Variants in JKAMP observed in about 807,000 individuals in gnomAD.
JKAMP encodes JNK1/MAPK8 associated membrane protein.
JKAMP carries 20 observed loss-of-function variants against 40.2 expected under a neutral mutation model. The ratio of observed to expected loss-of-function variants is 0.50; its 90% CI spans 0.35 to 0.72. The LOEUF is 0.72. Ranked by LOEUF, JKAMP falls within the 30% of genes least tolerant of loss-of-function variation. The pLI, the probability that JKAMP is intolerant of heterozygous loss-of-function variation, is 0.01. For synonymous variants in JKAMP, 138 were observed against 131.6 expected (o/e 1.05, Z -0.33); for missense variants, 276 against 373.0 (o/e 0.74, Z 2.14).
chr14:59,490,485 T>G (rs1052769325), intron 3 of JKAMP, among the ~76,000 whole-genome samples: 3 of 152,206 alleles, frequency 2.0e-5, no homozygotes, highest in Non-Finnish European at 4.4e-5. Flanking sequence ...ATGTATATTT[T>G]AGGAAGAAAA....
intron 3 of JKAMP, among the ~76,000 whole-genome samples, chr14:59,488,097 A>G (rs1004622791): frequency 1.3e-5 from 2 of 152,126 alleles, no homozygotes; most frequent in African/African-American, 4.8e-5. Flanking sequence ...TTGGTTTTCT[A>G]CACAAAATTG....
At chr14:59,484,882 C>A in intron 1 of JKAMP, 2 of 1,305,186 alleles carry the variant, frequency 1.5e-6, no homozygotes, top group Non-Finnish European at 1.0e-6. Flanking sequence ...GGAACACTTG[C>A]TTGAGGGTTG....
chr14:59,486,801 TG>T lies in JKAMP; in HGVS notation c.96+1del. 2 of 1,546,822 alleles carry T rather than the reference TG, an allele frequency of 1.3e-6. No individual in the cohort carries two copies. The highest frequency in any genetic ancestry group is 1.8e-6 in the Non-Finnish European group (2 of 1,130,806). On this transcript the variant is annotated frameshift_variant and splice_region_variant, in exon 2 of 7. Transcript: ENST00000616435. LOFTEE classifies it high-confidence loss of function. ...GCTCAACTGAAATATATGGAGAATG[TG>T]GGGTAAGTCTTATGTTTGTATCTTA... ...NGSTEIYGEC[G>X]VCPRGQRTNA...
At chr14:59,484,868 C>G in intron 1 of JKAMP, 2 of 1,201,162 alleles carry the variant, frequency 1.7e-6, no homozygotes, top group South Asian at 1.6e-5. Context: ...AGTTTAATGT[C>G]GAGGGAACAC....
intron 5 of JKAMP, among the ~76,000 whole-genome samples, chr14:59,499,326 AGTAT>A (rs2139905076): frequency 6.6e-6 from 1 of 152,252 alleles, no homozygotes; most frequent in South Asian, 2.1e-4. Flanking sequence ...TAAAAATCTA[AGTAT>A]GTAATAAGAA....
intron 2 of JKAMP, chr14:59,487,467 G>T (rs959483659): frequency 2.0e-5 from 8 of 406,858 alleles, no homozygotes; most frequent in African/African-American, 1.4e-4. Context: ...CTTAGTAAAA[G>T]GAATCTTCTA....
At chr14:59,501,490 A>C (rs892874864) in intron 6 of JKAMP, among the ~76,000 whole-genome samples, 2 of 152,196 alleles carry the variant, frequency 1.3e-5, no homozygotes, top group South Asian at 4.1e-4. Context: ...GTCAGGCCCA[A>C]CTATCCAGCA....
At chr14:59,494,972 A>G (rs754041700) in intron 3 of JKAMP, 46 bp from the exon 4 acceptor site, 9 of 1,377,500 alleles carry the variant, frequency 6.5e-6, no homozygotes, top group East Asian at 2.3e-5. Flanking sequence ...AAAGCCATTT[A>G]AATATTGCAA....
At chr14:59,484,702 A>AGGCTCGCCCCTTGACCCCGCC in intron 1 of JKAMP, 109 bp downstream of exon 1, 1 of 1,369,096 alleles carries the variant, frequency 7.3e-7, no homozygotes, top group Non-Finnish European at 1.0e-6. Flanking sequence ...TTGGCGGCGC[A>AGGCTCGCCCCTTGACCCCGCC]GGCTCGCCCC....
chr14:59,484,517 G>A lies in JKAMP; in HGVS notation c.-73G>A. ...GGGAGGCGGAGCCGCCGAGCTCGCT[G>A]TGGCCCGGATGTTCGGTGCAGCTGC... is the stretch of plus-strand genomic sequence containing the variant. On this transcript the variant is annotated 5_prime_UTR_variant, in exon 1 of 7. In the 5' UTR this introduces an upstream ATG that the reference lacks. Transcript: ENST00000616435. 1 of 1,542,306 alleles carries A rather than the reference G, an allele frequency of 6.5e-7. No homozygotes were observed. Among genetic ancestry groups the A allele is most frequent in the Non-Finnish European group, 8.8e-7 (1 of 1,138,546 alleles).
At chr14:59,487,202 C>CAA (rs1402554871) in intron 2 of JKAMP, 7 of 145,060 alleles carry the variant, frequency 4.8e-5, no homozygotes, top group Non-Finnish European at 1.0e-4. Flanking sequence ...GACTCTGTCT[C>CAA]AAAAAAAAAA....
intron 3 of JKAMP, among the ~76,000 whole-genome samples, chr14:59,491,046 A>G (rs970149919): frequency 6.6e-6 from 1 of 152,242 alleles, no homozygotes. Context: ...GAAATTGGTA[A>G]CAAGGACCAC....
chr14:59,504,126 A>T lies in JKAMP; in HGVS notation c.*54A>T. The T allele has an allele frequency of 1.9e-6, 2 of 1,042,410 alleles. No homozygotes were observed. Among genetic ancestry groups the T allele is most frequent in the Admixed American group, 1.9e-5 (1 of 53,088 alleles). 64.6% of individuals were successfully genotyped at this position (1,042,410 alleles called of 1,614,324 possible). ...GAGAAGTGCTCCTAATAAAAAAGTA[A>T]ATCAATCTTAACAGTGTATGAGAAC... is the stretch of plus-strand genomic sequence containing the variant. On this transcript the variant is annotated 3_prime_UTR_variant, in exon 7 of 7. Coordinates refer to ENST00000616435, the MANE Select transcript of JKAMP (RefSeq NM_016475.5).
At chr14:59,492,141 AAAGT>A (rs1419657717) in intron 3 of JKAMP, among the ~76,000 whole-genome samples, 3 of 152,190 alleles carry the variant, frequency 2.0e-5, no homozygotes, top group African/African-American at 4.8e-5. Flanking sequence ...ACCTATAAAG[AAAGT>A]AAGGATGTAG....
chr14:59,484,677 G>T lies in JKAMP; in HGVS notation c.4+84G>T. On this transcript the variant is annotated intron_variant, in intron 1 of 6. Transcript: ENST00000616435. ...CGGCTGGCCTCGGGCTCGGCTCTTT[G>T]TAGGCGGCCTTCGGTTGGCGGCGCA... 4.0e-6 allele frequency: 6 copies of T among 1,495,056 alleles called. No individual in the cohort carries two copies. The South Asian group carries it at 7.2e-5, about 18-fold the overall frequency. The allele number at this position is 1,495,056 out of a possible 1,614,324, so 92.6% of individuals were successfully genotyped here. A position where few individuals can be genotyped will look rare whatever the true frequency, so the allele number is the denominator to read the frequency against.
rs879686039 is a variant in JKAMP at position 59,502,453 on chromosome 14, C to T, written c.717+1186C>T. On this transcript the variant is annotated intron_variant, in intron 6 of 6. Transcript: ENST00000616435. ...GTTGTAAACTATTTTGGAGTGGTTA[C>T]TGCTGATGCCACTTTTTCTATTACC... Among the ~76,000 whole-genome samples, 53 of 152,276 alleles carry T rather than the reference C, an allele frequency of 3.5e-4. 1 individual carries two copies. Among genetic ancestry groups the T allele is most frequent in the Middle Eastern group, 3.4e-3 (1 of 294 alleles).
intron 5 of JKAMP, 78 bp downstream of exon 5, chr14:59,498,986 G>A (rs1891653769): frequency 2.9e-6 from 1 of 350,088 alleles, no homozygotes. Flanking sequence ...TAATTTTGGA[G>A]ATTTTTCCTT....
intron 4 of JKAMP, among the ~76,000 whole-genome samples, chr14:59,496,045 A>C (rs1314892154): frequency 6.6e-6 from 1 of 152,194 alleles, no homozygotes; most frequent in East Asian, 1.9e-4. Flanking sequence ...CTGGGATTAC[A>C]GGCATGTGCC....
chr14:59,485,910 C>G (rs1350535538), intron 1 of JKAMP: 1 of 152,092 alleles, frequency 6.6e-6, no homozygotes, highest in Non-Finnish European at 1.5e-5. Flanking sequence ...GCCACCTCAC[C>G]GAGCCTGTTT....
Sources: allele counts gnomAD v4.1 joint callset (sites outside exome capture counted in the v4.1 genomes callset), GRCh38; gene constraint gnomAD v4.1.1; transcripts MANE v1.5; gene names NCBI Gene and HGNC (gene_info 2026-07-23, HGNC 2026-07-21).